The following SLC35F4 variants were observed in gnomAD, a reference collection of about 807,000 sequenced individuals.
SLC35F4 encodes the protein solute carrier family 35 member F4, also known as chromosome 14 open reading frame 36.
SLC35F4 carries 24 observed loss-of-function variants against 44.2 expected under a neutral mutation model. The observed-to-expected ratio is 0.54, with a 90% CI of 0.39 to 0.76. The LOEUF (loss-of-function observed/expected upper bound fraction) is 0.76. Ranked by LOEUF, SLC35F4 falls within the 30% of genes least tolerant of loss-of-function variation. The pLI, the probability that SLC35F4 is intolerant of heterozygous loss-of-function variation, is 0.00. For synonymous variants in SLC35F4, 238 were observed against 223.6 expected (o/e 1.06, Z -0.57); for missense variants, 562 against 586.1 (o/e 0.96, Z 0.42).
intron 1 of SLC35F4, among the ~76,000 whole-genome samples, chr14:57,641,629 G>T (rs2073244087): frequency 6.6e-6 from 1 of 152,042 alleles, no homozygotes; most frequent in African/African-American, 2.4e-5. Flanking sequence ...ATGCTGTAAT[G>T]CTTTTAAATG....
intron 1 of SLC35F4, among the ~76,000 whole-genome samples, chr14:57,742,644 T>G (rs963408434): frequency 1.4e-4 from 22 of 152,016 alleles, no homozygotes; most frequent in Non-Finnish European, 2.1e-4. Flanking sequence ...ACACCCCACT[T>G]TCAACATTAG....
chr14:57,627,811 T>C (rs1216645763), intron 1 of SLC35F4, among the ~76,000 whole-genome samples: 1 of 151,932 alleles, frequency 6.6e-6, no homozygotes, highest in African/African-American at 2.4e-5. Context: ...ATTCCTTCCT[T>C]TTTTTTAATG....
At chr14:57,800,679 T>G (rs1440641800) in intron 1 of SLC35F4, among the ~76,000 whole-genome samples, 1 of 152,022 alleles carries the variant, frequency 6.6e-6, no homozygotes, top group Non-Finnish European at 1.5e-5. Context: ...ATAACCAAAC[T>G]GATGGAGCTG....
At chr14:57,686,336 G>C (rs979519118) in intron 1 of SLC35F4, among the ~76,000 whole-genome samples, 1 of 152,142 alleles carries the variant, frequency 6.6e-6, no homozygotes, top group South Asian at 2.1e-4. Flanking sequence ...TACTCAAGCT[G>C]TCCCTAGAGC....
chr14:57,820,636 G>A (rs917686047), intron 1 of SLC35F4, among the ~76,000 whole-genome samples: 1 of 152,184 alleles, frequency 6.6e-6, no homozygotes, highest in Non-Finnish European at 1.5e-5. Context: ...TTTTGAAAAT[G>A]TATCTGCGGA....
intron 1 of SLC35F4, among the ~76,000 whole-genome samples, chr14:57,648,912 AC>A: frequency 6.6e-6 from 1 of 152,290 alleles, no homozygotes; most frequent in Non-Finnish European, 1.5e-5. Flanking sequence ...ATTTCTATTT[AC>A]TAAATCTGAC....
At chr14:57,677,769 T>C (rs1388010869) in intron 1 of SLC35F4, among the ~76,000 whole-genome samples, 1 of 151,572 alleles carries the variant, frequency 6.6e-6, no homozygotes, top group African/African-American at 2.4e-5. Flanking sequence ...GTACAATATA[T>C]CTGATAGTTC....
Position 57,565,299 on chromosome 14 carries a change from C to T in SLC35F4, c.1217-923G>A, listed in dbSNP as rs1306788912. 2.0e-5 allele frequency among the ~76,000 whole-genome samples: 3 copies of T among 151,572 alleles called. No homozygotes were observed. In the South Asian group the frequency reaches 6.3e-4, roughly 32 times the overall value. On this transcript the variant is annotated intron_variant, in intron 7 of 7. Coordinates refer to ENST00000556826, the MANE Select transcript of SLC35F4 (RefSeq NM_001306087.2). ...TACTGTTCTTTTTAGCATGAGCTAC[C>T]CTTCACTCCTCATATCTCACTTCAT...
At chr14:57,864,869 G>A (rs535413311) in intron 1 of SLC35F4, among the ~76,000 whole-genome samples, 2 of 152,308 alleles carry the variant, frequency 1.3e-5, no homozygotes, top group African/African-American at 2.4e-5. Context: ...ACTAATCCCA[G>A]CAAATATAGC....
At chr14:57,785,830 G>A (rs544292311) in intron 1 of SLC35F4, among the ~76,000 whole-genome samples, 10 of 152,170 alleles carry the variant, frequency 6.6e-5, no homozygotes, top group Non-Finnish European at 1.0e-4. Flanking sequence ...TGGGAGGGTG[G>A]CCAGAGAAGC....
At chr14:57,725,099 C>T (rs930602845) in intron 1 of SLC35F4, among the ~76,000 whole-genome samples, 51 of 152,130 alleles carry the variant, frequency 3.4e-4, no homozygotes, top group Non-Finnish European at 6.2e-4. Context: ...CAATGGGTGA[C>T]CCCAGCAGAG....
intron 1 of SLC35F4, among the ~76,000 whole-genome samples, chr14:57,724,139 T>G (rs920472836): frequency 1.3e-5 from 2 of 152,336 alleles, no homozygotes; most frequent in East Asian, 3.9e-4. Context: ...CCTGAAAGGC[T>G]GCCAGTTTTG....
rs970262616 is a variant in SLC35F4 at position 57,880,535 on chromosome 14, T to C, written n.282+101378A>G. On this transcript the variant is annotated intron_variant and non_coding_transcript_variant, in intron 1 of 1. Coordinates refer to the SLC35F4 transcript ENST00000556568. ...ATATTTCTCTTGATTTGGAGGTACATTGATGACAAAGTACCCCATTATATT... is the reference window on the plus strand; with the variant it reads ...ATATTTCTCTTGATTTGGAGGTACACTGATGACAAAGTACCCCATTATATT... Among the ~76,000 whole-genome samples, 6 of 152,320 alleles carry C rather than the reference T, an allele frequency of 3.9e-5. No homozygotes were observed. In the South Asian group the frequency reaches 1.0e-3, roughly 26 times the overall value.
intron 1 of SLC35F4, among the ~76,000 whole-genome samples, chr14:57,886,951 G>C (rs1382483713): frequency 6.6e-6 from 1 of 152,168 alleles, no homozygotes; most frequent in African/African-American, 2.4e-5. Flanking sequence ...AGACACCTAA[G>C]AGTAGCACTA....
intron 1 of SLC35F4, among the ~76,000 whole-genome samples, chr14:57,612,414 T>C (rs1184689205): frequency 1.3e-5 from 2 of 152,188 alleles, no homozygotes; most frequent in Non-Finnish European, 2.9e-5. Context: ...GGGCCAACAT[T>C]CTATGAATTC....
At chr14:57,892,501 T>C (rs1888790551) in intron 1 of SLC35F4, among the ~76,000 whole-genome samples, 1 of 152,174 alleles carries the variant, frequency 6.6e-6, no homozygotes, top group Admixed American at 6.6e-5. Flanking sequence ...CCTAAAATAA[T>C]GCCACTCTTT....
At position 57,750,937 on chromosome 14, in the gene SLC35F4, A is replaced by G. The variant is rs986147676; in HGVS notation, c.103+114786T>C. Reference sequence around the variant, plus strand: ...TTTGGCCTAATTTTATTGTTAGTCAACAAGGCTTTGGATTCAGAATCTGAC... The same window carrying G: ...TTTGGCCTAATTTTATTGTTAGTCAGCAAGGCTTTGGATTCAGAATCTGAC... On this transcript the variant is annotated intron_variant, in intron 1 of 7. Transcript: ENST00000556826. 3.9e-5 allele frequency among the ~76,000 whole-genome samples: 6 copies of G among 152,154 alleles called. No homozygotes were observed. The South Asian group carries it at 6.2e-4, about 16-fold the overall frequency.
At chr14:57,585,501 G>A (rs968869034) in intron 3 of SLC35F4, among the ~76,000 whole-genome samples, 1 of 152,042 alleles carries the variant, frequency 6.6e-6, no homozygotes, top group African/African-American at 2.4e-5. Flanking sequence ...GGGCGATCAG[G>A]CAAGAGAAAA....
chr14:57,578,323 C>CTTTTTTTTTTTT (rs2068952267), intron 4 of SLC35F4, among the ~76,000 whole-genome samples: 1 of 33,168 alleles, frequency 3.0e-5, no homozygotes, highest in Non-Finnish European at 6.6e-5. Flanking sequence ...ATCCCTTTAA[C>CTTTTTTTTTTTT]TGTTTTTTTT....
Sources: gnomAD v4.1 joint callset for allele counts (sites outside exome capture counted in the v4.1 genomes callset) on GRCh38, gnomAD v4.1.1 for gene constraint, MANE v1.5 for transcripts, NCBI Gene and HGNC (gene_info 2026-07-23, HGNC 2026-07-21) for gene names.